Variants in NAPSA observed in about 807,000 individuals in gnomAD.
NAPSA encodes napsin-A.
A neutral mutation model predicts 36.7 loss-of-function variants in NAPSA; 37 were observed. The ratio of observed to expected loss-of-function variants is 1.01; its 90% CI spans 0.78 to 1.33. The LOEUF (loss-of-function observed/expected upper bound fraction) is 1.33. Among genes scored for constraint, NAPSA ranks in the 40% most tolerant of loss-of-function variants. The pLI, the probability that NAPSA is intolerant of heterozygous loss-of-function variation, is 0.00. For synonymous variants in NAPSA, 222 were observed against 234.5 expected (o/e 0.95, Z 0.49); for missense variants, 532 against 543.8 (o/e 0.98, Z 0.21).
chr19:50,364,409 A>G (rs2037516434), intron 1 of NAPSA, among the ~76,000 whole-genome samples: 1 of 150,950 alleles, frequency 6.6e-6, no homozygotes, highest in African/African-American at 2.4e-5. Context: ...AGGTCAGGAG[A>G]TCGAGACCAT....
At chr19:50,362,521 C>G in intron 1 of NAPSA, 1 of 458,116 alleles carries the variant, frequency 2.2e-6, no homozygotes, top group South Asian at 4.3e-5. Context: ...CAAGAGCAAA[C>G]CATCCCAAAC....
upstream of NAPSA, among the ~76,000 whole-genome samples, chr19:50,368,176 A>G (rs868502847): frequency 9.3e-5 from 14 of 150,484 alleles, no homozygotes; most frequent in South Asian, 2.1e-4. Context: ...AAAAAAAAAA[A>G]AAAGAAACAA....
intron 6 of NAPSA, 37 bp downstream of exon 6, chr19:50,359,703 G>A (rs2037446381): frequency 1.2e-6 from 2 of 1,614,100 alleles, no homozygotes; most frequent in South Asian, 2.2e-5. Flanking sequence ...CAGGCCCCCA[G>A]CCTCCAGCTC....
In NAPSA at chr19:50,362,320, G is replaced by T. The variant is rs1198312772; in HGVS notation, c.84-7C>A. On this transcript the variant is annotated splice_polypyrimidine_tract_variant and splice_region_variant and intron_variant, in intron 1 of 8. Coordinates refer to ENST00000253719, the MANE Select transcript of NAPSA (RefSeq NM_004851.3). ...GACTCGATGAAGAGGGATGCTGTAG[G>T]GAAAGAGGATATTGACAGGAAGCTG... is the stretch of plus-strand genomic sequence containing the variant. The T allele has an allele frequency of 3.8e-6, 6 of 1,591,814 alleles. No homozygotes were observed. Among genetic ancestry groups the T allele is most frequent in the Non-Finnish European group, 5.1e-6 (6 of 1,168,340 alleles).
At chr19:50,367,716 G>T (rs970020063), upstream of NAPSA, among the ~76,000 whole-genome samples, 2 of 152,096 alleles carry the variant, frequency 1.3e-5, no homozygotes, top group African/African-American at 4.8e-5. Flanking sequence ...CCTGCCTACT[G>T]CTTATGTTTG....
Position 50,360,979 on chromosome 19 carries a change from C to T in NAPSA, c.630G>A (p.Gly210=). ...AGGAGAAGACAGGCTTATCCAATAG[C>T]CCCTGCTCCACCAGTACATCCATCG... ...RPPMDVLVEQ[G]LLDKPVFSFY... is the part of the protein sequence containing the mutation. Residue 210 remains glycine (G), a synonymous_variant, in exon 5 of 9, where the codon GGG becomes GGA. Transcript: ENST00000253719. 6.2e-7 allele frequency: 1 copy of T among 1,614,158 alleles called. No individual in the cohort carries two copies. The highest frequency in any genetic ancestry group is 8.5e-7 in the Non-Finnish European group (1 of 1,180,026).
intron 1 of NAPSA, chr19:50,362,546 C>A: frequency 2.6e-6 from 1 of 389,786 alleles, no homozygotes. Context: ...CTTTCCATGT[C>A]CAAATCCCTT....
At chr19:50,358,844 C>T in intron 8 of NAPSA, 64 bp from the exon 9 acceptor site, 2 of 1,448,086 alleles carry the variant, frequency 1.4e-6, no homozygotes, top group East Asian at 2.4e-5. Context: ...GCCTGGGAGC[C>T]CGTCCATCCC....
rs1172160378 is a variant in NAPSA at position 50,362,306 on chromosome 19, G to C, written c.91C>G (p.Leu31Val). ...PSGATLIRIP[L>V]HRVQPGRRIL... Reference sequence around the variant, plus strand: ...CTGCGTCCAGGTTGGACTCGATGAAGAGGGATGCTGTAGGGAAAGAGGATA... The same window carrying C: ...CTGCGTCCAGGTTGGACTCGATGAACAGGGATGCTGTAGGGAAAGAGGATA... Residue 31 changes from leucine to valine, a missense_variant, in exon 2 of 9, where the codon CTT (leucine) becomes GTT (valine). Transcript: ENST00000253719. 1.9e-6 allele frequency: 3 copies of C among 1,603,166 alleles called. No individual in the cohort carries two copies. The highest frequency in any genetic ancestry group is 2.6e-6 in the Non-Finnish European group (3 of 1,174,204).
chr19:50,368,416 T>C (rs145475440), upstream of NAPSA, among the ~76,000 whole-genome samples: 259 of 152,076 alleles, frequency 1.7e-3, 5 homozygotes, highest in South Asian at 0.019. Context: ...AACTTGAGCC[T>C]AGGAGGCTGA....
intron 7 of NAPSA, 138 bp from the exon 8 acceptor site, chr19:50,359,247 C>T (rs1291836690): frequency 2.3e-6 from 2 of 878,966 alleles, no homozygotes; most frequent in Admixed American, 5.0e-5. Context: ...GCCCTGCCGC[C>T]TAGACTTACG....
Position 50,361,004 on chromosome 19 carries a change from G to A in NAPSA, c.605C>T (p.Pro202Leu), listed in dbSNP as rs762478550. 64 of 1,613,980 alleles carry A rather than the reference G, an allele frequency of 4.0e-5. No individual in the cohort carries two copies. The highest frequency in any genetic ancestry group is 4.8e-5 in the Non-Finnish European group (57 of 1,180,036). The change falls in exon 5 of 9, where the codon CCG becomes CTG. Residue 202 changes from proline (P) to leucine (L), a missense_variant. By Grantham distance (98) the Pro-to-Leu change is moderately conservative. This residue lies in a region of NAPSA where 385 missense variants were observed against 371.5 expected (regional missense o/e 1.04). Coordinates refer to ENST00000253719, the MANE Select transcript of NAPSA (RefSeq NM_004851.3). ...PILSVEGVRP[P>L]MDVLVEQGLL... The stretch of plus-strand genomic sequence containing the variant: ...CCCCTGCTCCACCAGTACATCCATC[G>A]GGGGCCGAACTCCTTCCACAGACAG...
intron 1 of NAPSA, chr19:50,362,555 TTAAAA>T (rs2037491982): frequency 2.7e-6 from 1 of 368,116 alleles, no homozygotes; most frequent in African/African-American, 2.1e-5. Flanking sequence ...TCCAAATCCC[TTAAAA>T]TAAGCTATTC....
chr19:50,359,319 G>A (rs139870206), intron 7 of NAPSA, 184 bp downstream of exon 7: 5 of 891,212 alleles, frequency 5.6e-6, no homozygotes, highest in South Asian at 3.3e-5. Flanking sequence ...CAGAGTCGCA[G>A]TGTAGACACG....
intron 5 of NAPSA, 130 bp from the exon 6 acceptor site, chr19:50,359,992 A>G: frequency 1.6e-6 from 2 of 1,238,394 alleles, no homozygotes; most frequent in Non-Finnish European, 2.2e-6. Context: ...AATGGGATGC[A>G]GGAAGGGCCT....
chr19:50,359,466 G>A (rs2037441698), intron 7 of NAPSA, 37 bp downstream of exon 7: 1 of 1,612,448 alleles, frequency 6.2e-7, no homozygotes, highest in Middle Eastern at 1.7e-4. Flanking sequence ...ACTGCCATCA[G>A]CCTTCCCAGC....
chr19:50,358,824 A>G lies in NAPSA; in HGVS notation c.1036-44T>C, dbSNP rs531151831. On this transcript the variant is annotated intron_variant, in intron 8 of 8. Coordinates refer to ENST00000253719, the MANE Select transcript of NAPSA (RefSeq NM_004851.3). ...ACAACTGGGTGTCGCGGCCACAAGG[A>G]CGGCCATTTGCCTGGGAGCCCGTCC... 3.7e-5 allele frequency: 57 copies of G among 1,542,586 alleles called. No individual in the cohort carries two copies. The South Asian group carries it at 6.2e-4, about 17-fold the overall frequency.
chr19:50,364,694 A>T lies in NAPSA; in HGVS notation c.83+845T>A, dbSNP rs144165293. Among the ~76,000 whole-genome samples, 207 of 149,682 alleles carry T rather than the reference A, an allele frequency of 1.4e-3. 5 individuals carry two copies. In the East Asian group the frequency reaches 0.035, roughly 25 times the overall value. Reference sequence around the variant, plus strand: ...GAGTCTCAGTGTTGTAAGATCTGGGACTTAAAAGGGCTCTGGGACCGGACG... The same window carrying T: ...GAGTCTCAGTGTTGTAAGATCTGGGTCTTAAAAGGGCTCTGGGACCGGACG... On this transcript the variant is annotated intron_variant, in intron 1 of 8. Transcript: ENST00000253719.
At chr19:50,364,250 G>A (rs1568587587) in intron 1 of NAPSA, among the ~76,000 whole-genome samples, 1 of 149,232 alleles carries the variant, frequency 6.7e-6, no homozygotes. Context: ...GGGAGGTGGA[G>A]GTTGCAGTGA....
Sources: allele counts gnomAD v4.1 joint callset (sites outside exome capture counted in the v4.1 genomes callset), GRCh38; gene constraint gnomAD v4.1.1; regional missense constraint gnomAD v4.1.1; transcripts MANE v1.5; gene names NCBI Gene and HGNC (gene_info 2026-07-23, HGNC 2026-07-21).